Variants in DCLK2 observed in about 807,000 individuals in gnomAD.
DCLK2 encodes doublecortin like kinase 2, also known as serine/threonine-protein kinase DCLK2.
In DCLK2, 31 loss-of-function variants were observed where a neutral mutation model predicts 78.4. The ratio of observed to expected loss-of-function variants is 0.40; its 90% CI spans 0.30 to 0.53. The LOEUF is 0.53. Ranked by LOEUF, DCLK2 falls within the 20% of genes least tolerant of loss-of-function variation. The pLI is 0.61. For synonymous variants in DCLK2, 407 were observed against 374.9 expected, an observed-to-expected ratio of 1.09 and a Z score of -0.99; for missense variants, 872 against 973.7, an observed-to-expected ratio of 0.90 and a Z score of 1.39.
intron 2 of DCLK2, among the ~76,000 whole-genome samples, chr4:150,190,299 GCAGA>G (rs141112179): frequency 4.6e-4 from 62 of 134,042 alleles, no homozygotes; most frequent in African/African-American, 1.0e-3. Flanking sequence ...AGATAGATAG[GCAGA>G]CAGACAGACA....
In DCLK2 at chr4:150,198,201, G is replaced by T. The variant is rs1124359; in HGVS notation, c.961+98G>T. On this transcript the variant is annotated intron_variant, in intron 4 of 15. Coordinates refer to ENST00000296550, the MANE Select transcript of DCLK2 (RefSeq NM_001040260.4). ...TGAATTAGTAGTCTTTGCCAGGGTC[G>T]TATGCAGCCAAGTTCCAGAAAAACA... is the stretch of plus-strand genomic sequence containing the variant. 15 of 1,037,316 alleles carry T rather than the reference G, an allele frequency of 1.4e-5. No individual in the cohort carries two copies. In the South Asian group the frequency reaches 2.5e-4, roughly 17 times the overall value. The allele number at this position is 1,037,316 out of a possible 1,614,324, so 64.3% of individuals were successfully genotyped here.
At chr4:150,123,026 G>A (rs1288700121) in intron 2 of DCLK2, among the ~76,000 whole-genome samples, 1 of 152,194 alleles carries the variant, frequency 6.6e-6, no homozygotes, top group Non-Finnish European at 1.5e-5. Context: ...TTTGGCTCAA[G>A]GGAATGTTGT....
In DCLK2 at chr4:150,181,257, G is replaced by T. The variant is rs938256908; in HGVS notation, c.757-11881G>T. 3.3e-5 allele frequency among the ~76,000 whole-genome samples: 5 copies of T among 152,252 alleles called. No individual in the cohort carries two copies. In the South Asian group the frequency reaches 1.0e-3, roughly 32 times the overall value. On this transcript the variant is annotated intron_variant, in intron 2 of 15. Transcript: ENST00000296550. The stretch of plus-strand genomic sequence containing the variant: ...CGTGATCCTTACGATGGGGAAGAAA[G>T]GGATCACCTTTCTGCCCCTACAGTT...
At chr4:150,236,933 A>G (rs1742554654) in intron 10 of DCLK2, among the ~76,000 whole-genome samples, 1 of 152,140 alleles carries the variant, frequency 6.6e-6, no homozygotes, top group Non-Finnish European at 1.5e-5. Context: ...TGAATTCTTT[A>G]TAGAGGATGT....
At chr4:150,109,054 G>T (rs528150816) in intron 2 of DCLK2, among the ~76,000 whole-genome samples, 83 of 152,156 alleles carry the variant, frequency 5.5e-4, no homozygotes, top group African/African-American at 2.0e-3. Context: ...TTTTTAAAAA[G>T]TTTAGCTATT....
chr4:150,083,487 A>G (rs144636723), intron 1 of DCLK2, among the ~76,000 whole-genome samples: 1 of 152,198 alleles, frequency 6.6e-6, no homozygotes, highest in African/African-American at 2.4e-5. Flanking sequence ...AAACCTATCT[A>G]CCGCATCTGT....
chr4:150,188,530 G>A (rs775320617), intron 2 of DCLK2, among the ~76,000 whole-genome samples: 4 of 152,052 alleles, frequency 2.6e-5, no homozygotes, highest in Non-Finnish European at 5.9e-5. Context: ...TGAATCAGAG[G>A]GAGGCAGACA....
chr4:150,093,382 ATATT>A (rs924631832), intron 1 of DCLK2, among the ~76,000 whole-genome samples: 7 of 152,158 alleles, frequency 4.6e-5, no homozygotes, highest in African/African-American at 1.4e-4. Context: ...TCCCAATGAC[ATATT>A]TATTTATTTA....
chr4:150,252,588 G>A (rs185388492), intron 15 of DCLK2, among the ~76,000 whole-genome samples: 6 of 152,314 alleles, frequency 3.9e-5, no homozygotes, highest in East Asian at 1.9e-4. Context: ...AGATAATGAC[G>A]CTTAGACCCC....
chr4:150,134,079 T>TTTTC (rs1553959185), intron 2 of DCLK2, among the ~76,000 whole-genome samples: 2 of 140,008 alleles, frequency 1.4e-5, no homozygotes, highest in African/African-American at 5.4e-5. Context: ...ATAAACTCTT[T>TTTTC]TTTTTTTTTT....
chr4:150,221,961 G>GTTGTTTGT (rs762745063), intron 7 of DCLK2, among the ~76,000 whole-genome samples, 176 bp downstream of exon 7: 2 of 150,406 alleles, frequency 1.3e-5, no homozygotes, highest in Non-Finnish European at 3.0e-5. Flanking sequence ...CTTTCCTTTT[G>GTTGTTTGT]TTGTTTGTTT....
chr4:150,149,203 TC>T (rs1341757460), intron 2 of DCLK2, among the ~76,000 whole-genome samples: 7 of 151,952 alleles, frequency 4.6e-5, no homozygotes, highest in African/African-American at 1.7e-4. Context: ...ATGTAAGATA[TC>T]TTGACAACAT....
chr4:150,256,155 G>A lies in DCLK2; in HGVS notation c.2209G>A (p.Ala737Thr). 1 of 1,593,412 alleles carries A rather than the reference G, an allele frequency of 6.3e-7. No individual in the cohort carries two copies. Among genetic ancestry groups the A allele is most frequent in the Non-Finnish European group, 8.5e-7 (1 of 1,171,428 alleles). ...CCCTGTGCCTGGGGAAGCAGTCCCG[G>A]CCCCCACCCCTCCGGAATCTCCCAC... Reference protein sequence around the residue: ...EIPVPGEAVPAPTPPESPTPH... With the variant: ...EIPVPGEAVPTPTPPESPTPH... The change falls in exon 16 of 16, where the codon GCC becomes ACC. Residue 737 changes from alanine (A) to threonine (T), a missense_variant. Physicochemically the swap from Ala to Thr is moderately conservative, Grantham distance 58. Around this residue, in one of 3 missense-constraint regions of DCLK2, gnomAD observed 219 missense variants for 230.1 expected, o/e 0.95. Coordinates refer to ENST00000296550, the MANE Select transcript of DCLK2 (RefSeq NM_001040260.4).
chr4:150,095,689 C>T (rs942886949), intron 1 of DCLK2, among the ~76,000 whole-genome samples: 4 of 152,150 alleles, frequency 2.6e-5, no homozygotes, highest in Admixed American at 2.0e-4. Flanking sequence ...CTAGATAATG[C>T]CAACCTAAGT....
At chr4:150,203,628 A>G (rs897741412) in intron 4 of DCLK2, among the ~76,000 whole-genome samples, 167 bp from the exon 5 acceptor site, 10 of 141,828 alleles carry the variant, frequency 7.1e-5, no homozygotes, top group South Asian at 4.4e-4. Context: ...TCTGTAATGC[A>G]GTAAGATACA....
intron 1 of DCLK2, among the ~76,000 whole-genome samples, chr4:150,086,629 A>G (rs937160204): frequency 5.9e-5 from 9 of 151,536 alleles, no homozygotes; most frequent in African/African-American, 2.2e-4. Flanking sequence ...GCCTCAGCCT[A>G]CCGAGTAGCT....
chr4:150,198,572 AG>A (rs1476413423), intron 4 of DCLK2, among the ~76,000 whole-genome samples: 1 of 152,146 alleles, frequency 6.6e-6, no homozygotes, highest in Admixed American at 6.6e-5. Context: ...ATTGTTGAAA[AG>A]TAGTATTTTG....
rs1481606300 is a variant in DCLK2, at chr4:150,079,013, C to A, written c.-15C>A. 2.6e-6 allele frequency: 4 copies of A among 1,518,514 alleles called. No homozygotes were observed. The Admixed American group carries it at 9.0e-5, about 34-fold the overall frequency. 94.1% of individuals were successfully genotyped at this position (1,518,514 alleles called of 1,614,324 possible). The stretch of plus-strand genomic sequence containing the variant: ...CCCGGAACGTCTTTTTGCGGACGCC[C>A]TCGGAGCAGCCGCGATGGCCAGCAC... On this transcript the variant is annotated 5_prime_UTR_variant, in exon 1 of 16. Transcript: ENST00000296550.
intron 12 of DCLK2, among the ~76,000 whole-genome samples, chr4:150,244,382 A>G (rs1386881734): frequency 6.6e-6 from 1 of 152,242 alleles, no homozygotes; most frequent in African/African-American, 2.4e-5. Context: ...GACTATACTG[A>G]AATTTTTGTT....
Sources: gnomAD v4.1 joint callset for allele counts (sites outside exome capture counted in the v4.1 genomes callset) on GRCh38, gnomAD v4.1.1 for gene constraint, gnomAD v4.1.1 regional missense constraint, MANE v1.5 for transcripts, NCBI Gene and HGNC (gene_info 2026-07-23, HGNC 2026-07-21) for gene names.